PIP4K2A: variants seen among roughly 807,000 people sequenced by gnomAD.
PIP4K2A encodes the protein phosphatidylinositol 5-phosphate 4-kinase type-2 alpha.
PIP4K2A carries 14 observed loss-of-function variants against 42.9 expected under a neutral mutation model. That is an observed-to-expected ratio of 0.33 (90% CI 0.22 to 0.51). The LOEUF is 0.51. Among genes scored for constraint, PIP4K2A ranks in the 20% least tolerant of loss-of-function variants. The pLI is 0.97. For synonymous variants in PIP4K2A, 192 were observed against 192.2 expected, an observed-to-expected ratio of 1.00 and a Z score of 0.01; for missense variants, 434 against 519.8, an observed-to-expected ratio of 0.83 and a Z score of 1.61.
At chr10:22,615,921 G>C (rs1205372808) in intron 1 of PIP4K2A, among the ~76,000 whole-genome samples, 4 of 152,146 alleles carry the variant, frequency 2.6e-5, no homozygotes, top group Admixed American at 2.6e-4. Flanking sequence ...AGGGCATCCT[G>C]GGAGCGACTT....
intron 7 of PIP4K2A, among the ~76,000 whole-genome samples, chr10:22,545,554 C>T (rs1194666763): frequency 5.3e-5 from 8 of 152,198 alleles, no homozygotes; most frequent in East Asian, 3.9e-4. Flanking sequence ...CGCTTACTGT[C>T]GTCTTCCAGT....
At chr10:22,612,386 A>C (rs1838068026) in intron 1 of PIP4K2A, among the ~76,000 whole-genome samples, 1 of 152,236 alleles carries the variant, frequency 6.6e-6, no homozygotes, top group South Asian at 2.1e-4. Flanking sequence ...TTCCCTGGGC[A>C]GCAATGGCTC....
At chr10:22,558,269 C>G (rs4748814) in intron 6 of PIP4K2A, among the ~76,000 whole-genome samples, 84,574 of 152,010 alleles carry the variant, frequency 0.56, 24,334 homozygotes, top group South Asian at 0.77. Context: ...AAGAATAAAA[C>G]CCCTTTTGCC....
intron 7 of PIP4K2A, among the ~76,000 whole-genome samples, chr10:22,543,487 T>C (rs958713071): frequency 1.3e-5 from 2 of 152,210 alleles, no homozygotes; most frequent in Admixed American, 6.5e-5. Flanking sequence ...GGAAACAGCA[T>C]GGGGCTCCTG....
intron 1 of PIP4K2A, among the ~76,000 whole-genome samples, chr10:22,624,013 T>G (rs1343401270): frequency 1.3e-5 from 2 of 152,194 alleles, no homozygotes; most frequent in East Asian, 1.9e-4. Flanking sequence ...CTTCCCTAAG[T>G]GTACACTGTG....
Position 22,627,591 on chromosome 10 carries a change from T to TTAAAA in PIP4K2A, c.145-17875_145-17874insTTTTA, listed in dbSNP as rs1838469308. ...TGTTTAACCAAAAGCTAATATGTAA[T>TTAAAA]AAAAAAAAAAAAAAAAAAAAAAAAA... On this transcript the variant is annotated intron_variant, in intron 1 of 9. Coordinates refer to ENST00000376573, the MANE Select transcript of PIP4K2A (RefSeq NM_005028.5). Among the ~76,000 whole-genome samples, 35 of 57,032 alleles carry TTAAAA rather than the reference T, an allele frequency of 6.1e-4. 2 individuals carry two copies. Among genetic ancestry groups the TTAAAA allele is most frequent in the Admixed American group, 1.2e-3 (4 of 3,418 alleles). 37.4% of individuals were successfully genotyped at this position (57,032 alleles called of 152,430 possible).
At chr10:22,601,986 C>G (rs536677955) in intron 3 of PIP4K2A, among the ~76,000 whole-genome samples, 2 of 152,178 alleles carry the variant, frequency 1.3e-5, no homozygotes, top group East Asian at 3.8e-4. Flanking sequence ...CAAGCTGCTC[C>G]GTGCTTTACA....
intron 1 of PIP4K2A, among the ~76,000 whole-genome samples, chr10:22,686,157 G>GTT: frequency 6.6e-6 from 1 of 152,222 alleles, no homozygotes; most frequent in East Asian, 1.9e-4. Flanking sequence ...TGCTGAACCG[G>GTT]CACATTTCGG....
At chr10:22,671,909 T>A (rs190058942) in intron 1 of PIP4K2A, among the ~76,000 whole-genome samples, 1 of 152,246 alleles carries the variant, frequency 6.6e-6, no homozygotes, top group African/African-American at 2.4e-5. Flanking sequence ...CTGAGAGGAA[T>A]AAATTATTAA....
At chr10:22,711,587 C>G (rs1833911288) in intron 1 of PIP4K2A, among the ~76,000 whole-genome samples, 1 of 152,196 alleles carries the variant, frequency 6.6e-6, no homozygotes, top group Admixed American at 6.5e-5. Context: ...CAAAACCTGA[C>G]CTTAACATGC....
chr10:22,552,283 T>C (rs564186331), intron 6 of PIP4K2A, among the ~76,000 whole-genome samples: 9 of 150,862 alleles, frequency 6.0e-5, no homozygotes, highest in Non-Finnish European at 8.8e-5. Context: ...GGGATGTGTA[T>C]GTAAGATGTA....
intron 1 of PIP4K2A, among the ~76,000 whole-genome samples, chr10:22,649,707 G>T (rs984034105): frequency 6.6e-6 from 1 of 152,170 alleles, no homozygotes; most frequent in Admixed American, 6.5e-5. Context: ...GACCAGGAAC[G>T]GGGTGGACAG....
chr10:22,592,466 T>C (rs1460474470), intron 3 of PIP4K2A, among the ~76,000 whole-genome samples: 1 of 152,146 alleles, frequency 6.6e-6, no homozygotes, highest in South Asian at 2.1e-4. Flanking sequence ...GAGAGTGTCT[T>C]CTAAAACAGC....
chr10:22,639,056 A>G (rs1240456476), intron 1 of PIP4K2A, among the ~76,000 whole-genome samples: 6 of 152,220 alleles, frequency 3.9e-5, no homozygotes, highest in African/African-American at 1.4e-4. Context: ...TAATTTGATT[A>G]CACTGATAGA....
rs1188396077 is a variant in PIP4K2A at position 22,601,130 on chromosome 10, C to CAA, written c.339+6795_339+6796dup. 5.9e-3 allele frequency among the ~76,000 whole-genome samples: 189 copies of CAA among 31,900 alleles called. 30 individuals carry two copies. The highest frequency in any genetic ancestry group is 0.029 in the Middle Eastern group (1 of 34). The allele number at this position is 31,900 out of a possible 152,430, so 20.9% of individuals were successfully genotyped here. The stretch of plus-strand genomic sequence containing the variant: ...CCTGGGCAACAGAGCGAGACTGTCT[C>CAA]AAAAAAAAAAAAAAAAAAAAAAAAA... On this transcript the variant is annotated intron_variant, in intron 3 of 9. Coordinates refer to ENST00000376573, the MANE Select transcript of PIP4K2A (RefSeq NM_005028.5).
intron 1 of PIP4K2A, among the ~76,000 whole-genome samples, chr10:22,618,546 A>C (rs16916117): frequency 0.02 from 3,118 of 152,290 alleles, 107 homozygotes; most frequent in African/African-American, 0.072. Context: ...ACAAAGGTTT[A>C]AAAAATGACC....
intron 1 of PIP4K2A, among the ~76,000 whole-genome samples, chr10:22,628,401 A>T (rs563502974): frequency 6.6e-6 from 1 of 152,312 alleles, no homozygotes; most frequent in African/African-American, 2.4e-5. Flanking sequence ...AAATCACAGA[A>T]AAAATTGTAC....
chr10:22,614,110 C>T (rs774115340), intron 1 of PIP4K2A, among the ~76,000 whole-genome samples: 8 of 152,250 alleles, frequency 5.3e-5, no homozygotes, highest in East Asian at 3.9e-4. Context: ...CCTTGAGGGA[C>T]GGAGAGTTCT....
In PIP4K2A at chr10:22,579,779, G is replaced by C. The variant is rs1242148526; in HGVS notation, c.493-6322C>G. On this transcript the variant is annotated intron_variant, in intron 4 of 9. Transcript: ENST00000376573. ...TAAAAATCAGACGGGCATGGTGGCA[G>C]GTGCCTGTAGTCCCAGCTACTCGGG... is the stretch of plus-strand genomic sequence containing the variant. Among the ~76,000 whole-genome samples the C allele has an allele frequency of 4.0e-5, 6 of 149,216 alleles. 1 individual carries two copies. The highest frequency in any genetic ancestry group is 1.6e-4 in the African/African-American group (6 of 38,662).
Sources: allele counts gnomAD v4.1 joint callset (sites outside exome capture counted in the v4.1 genomes callset), GRCh38; gene constraint gnomAD v4.1.1; transcripts MANE v1.5; gene names NCBI Gene and HGNC (gene_info 2026-07-23, HGNC 2026-07-21).